Variants in SOX5 observed in about 807,000 individuals in gnomAD.
SOX5 encodes transcription factor SOX-5.
A neutral mutation model predicts 92.0 loss-of-function variants in SOX5; 9 were observed. The ratio of observed to expected loss-of-function variants is 0.10; its 90% CI spans 0.06 to 0.17. The LOEUF (loss-of-function observed/expected upper bound fraction) is 0.17, where lower values mean the gene tolerates loss of function less well. SOX5 is among the 10% of genes least tolerant of loss of function. The pLI is 1.00. For missense variants in SOX5, 642 were observed against 944.5 expected (o/e 0.68, Z 4.20); for synonymous variants, 344 against 336.3 (o/e 1.02, Z -0.25).
At chr12:23,725,921 T>C (rs1221916800) in intron 6 of SOX5, among the ~76,000 whole-genome samples, 1 of 152,162 alleles carries the variant, frequency 6.6e-6, no homozygotes, top group Non-Finnish European at 1.5e-5. Flanking sequence ...AGACTGAGAA[T>C]TTTCCACTTC....
At chr12:24,387,710 G>T (rs555736197) in intron 1 of SOX5, among the ~76,000 whole-genome samples, 1 of 152,334 alleles carries the variant, frequency 6.6e-6, no homozygotes, top group South Asian at 2.1e-4. Context: ...AAAAAGGAAA[G>T]TAGGACTAAT....
At position 24,385,196 on chromosome 12, in the gene SOX5, C is replaced by G. The variant is rs1958254791; in HGVS notation, c.-250-16557G>C. Among the ~76,000 whole-genome samples, 3 of 152,206 alleles carry G rather than the reference C, an allele frequency of 2.0e-5. No individual in the cohort carries two copies. In the South Asian group the frequency reaches 6.2e-4, roughly 31 times the overall value. On this transcript the variant is annotated intron_variant, in intron 1 of 4. Transcript: ENST00000446891. ...AAAACACAGTACAGACTGTCCCCAA[C>G]TTACAATTCTACTTATGAAGTTTCC... is the stretch of plus-strand genomic sequence containing the variant.
rs12303076 is a variant in SOX5 at position 24,387,468 on chromosome 12, C to A, written c.-250-18829G>T. 9.9e-3 allele frequency among the ~76,000 whole-genome samples: 1,512 copies of A among 152,214 alleles called. 16 individuals are homozygous for A. The highest frequency in any genetic ancestry group is 0.027 in the Middle Eastern group (8 of 294). On this transcript the variant is annotated intron_variant, in intron 1 of 4. Transcript: ENST00000446891. The stretch of plus-strand genomic sequence containing the variant: ...CCCAGGGAAGCCAAAAGATTGGATA[C>A]CCCTGCTGTAGATCCTGTCTCTGCA...
intron 2 of SOX5, among the ~76,000 whole-genome samples, chr12:24,290,075 G>A (rs1379149947): frequency 6.6e-6 from 1 of 152,118 alleles, no homozygotes; most frequent in East Asian, 1.9e-4. Context: ...AAAGTCTAGT[G>A]TCTTCTGCCA....
chr12:23,678,387 A>G (rs1490386559), intron 6 of SOX5, among the ~76,000 whole-genome samples: 2 of 152,156 alleles, frequency 1.3e-5, no homozygotes, highest in Non-Finnish European at 2.9e-5. Flanking sequence ...CAATATTTAA[A>G]TAAAGATGAA....
rs1476651187 is a variant in SOX5 at position 23,530,083 on chromosome 12, G to A, written c.*4136C>T. 6.6e-6 allele frequency: 1 copy of A among 152,160 alleles called. No homozygotes were observed. Among genetic ancestry groups the A allele is most frequent in the Non-Finnish European group, 1.5e-5 (1 of 68,022 alleles). 9.4% of individuals were successfully genotyped at this position (152,160 alleles called of 1,614,324 possible). A position where few individuals can be genotyped will look rare whatever the true frequency, so the allele number is the denominator to read the frequency against. ...TTAAAATTAAATACTGTAAAAGCCTGGCTAAACCAACAGCTATGCCCTACA... is the reference window on the plus strand; with the variant it reads ...TTAAAATTAAATACTGTAAAAGCCTAGCTAAACCAACAGCTATGCCCTACA... On this transcript the variant is annotated 3_prime_UTR_variant, in exon 15 of 15. Coordinates refer to ENST00000451604, the MANE Select transcript of SOX5 (RefSeq NM_006940.6).
At chr12:24,083,775 G>C (rs184644164) in intron 4 of SOX5, among the ~76,000 whole-genome samples, 1 of 152,184 alleles carries the variant, frequency 6.6e-6, no homozygotes, top group Non-Finnish European at 1.5e-5. Context: ...CAAGGAAACA[G>C]TAATATGTCT....
chr12:23,908,995 A>G (rs932443146), intron 1 of SOX5, among the ~76,000 whole-genome samples: 1 of 152,152 alleles, frequency 6.6e-6, no homozygotes, highest in East Asian at 1.9e-4. Context: ...GTTTAAAAGC[A>G]TGGTTCATAC....
At chr12:24,428,872 T>C (rs559536748) in intron 1 of SOX5, among the ~76,000 whole-genome samples, 1 of 150,804 alleles carries the variant, frequency 6.6e-6, no homozygotes, top group Non-Finnish European at 1.5e-5. Flanking sequence ...TGTGTATGAG[T>C]GGGTGGAGCC....
chr12:24,209,832 A>C (rs1020418415), intron 4 of SOX5, among the ~76,000 whole-genome samples: 7 of 151,106 alleles, frequency 4.6e-5, no homozygotes, highest in African/African-American at 9.7e-5. Context: ...TCCTGGCTAA[A>C]ACGGTGAAAC....
chr12:23,862,798 C>T (rs995662364), intron 2 of SOX5, among the ~76,000 whole-genome samples: 11 of 152,130 alleles, frequency 7.2e-5, no homozygotes, highest in South Asian at 2.1e-4. Context: ...TCTCTTGAAG[C>T]GTGAATGTAC....
chr12:23,646,642 A>G (rs2080886375), intron 7 of SOX5, among the ~76,000 whole-genome samples: 1 of 152,228 alleles, frequency 6.6e-6, no homozygotes. Flanking sequence ...AAGTTTATTT[A>G]ATGTTCTCAA....
intron 4 of SOX5, among the ~76,000 whole-genome samples, chr12:24,092,665 G>A (rs554595597): frequency 2.0e-5 from 3 of 152,174 alleles, no homozygotes; most frequent in East Asian, 1.9e-4. Flanking sequence ...TCCAAGCAAC[G>A]GATACAAAAG....
intron 1 of SOX5, among the ~76,000 whole-genome samples, chr12:24,504,923 GA>G (rs149734111): frequency 6.6e-6 from 1 of 151,420 alleles, no homozygotes; most frequent in Non-Finnish European, 1.5e-5. Flanking sequence ...TGCAGGTGAG[GA>G]AAAAAAATAC....
chr12:24,159,985 CA>C (rs1401703200), intron 4 of SOX5, among the ~76,000 whole-genome samples: 1 of 151,754 alleles, frequency 6.6e-6, no homozygotes, highest in African/African-American at 2.4e-5. Context: ...AATTAAAGTT[CA>C]ATACAAATAA....
chr12:23,650,628 C>T (rs1330348102), intron 7 of SOX5, among the ~76,000 whole-genome samples: 1 of 152,048 alleles, frequency 6.6e-6, no homozygotes, highest in East Asian at 1.9e-4. Flanking sequence ...TTGGGGGAGC[C>T]CCCTGCCATT....
intron 1 of SOX5, among the ~76,000 whole-genome samples, chr12:24,554,483 T>C (rs558093429): frequency 1.3e-5 from 2 of 152,280 alleles, no homozygotes; most frequent in East Asian, 3.9e-4. Context: ...GCAGTCCTTA[T>C]CCTGGGCACA....
At chr12:24,138,075 T>A (rs1290761210) in intron 4 of SOX5, among the ~76,000 whole-genome samples, 2 of 152,232 alleles carry the variant, frequency 1.3e-5, no homozygotes, top group African/African-American at 4.8e-5. Context: ...AAAGGTATCA[T>A]GCTATTTTGG....
chr12:24,433,614 T>C (rs191217409), intron 1 of SOX5, among the ~76,000 whole-genome samples: 1 of 152,342 alleles, frequency 6.6e-6, no homozygotes, highest in African/African-American at 2.4e-5. Flanking sequence ...TAAAGTCTAT[T>C]TTGTAACCAT....
Sources: allele counts gnomAD v4.1 joint callset (sites outside exome capture counted in the v4.1 genomes callset), GRCh38; gene constraint gnomAD v4.1.1; transcripts MANE v1.5; gene names NCBI Gene and HGNC (gene_info 2026-07-23, HGNC 2026-07-21).